Variants in HERC4 observed in about 807,000 individuals in gnomAD.
The protein encoded by HERC4 is probable E3 ubiquitin-protein ligase HERC4.
HERC4 carries 28 observed loss-of-function variants against 124.3 expected under a neutral mutation model. That is an observed-to-expected ratio of 0.23 (90% CI 0.17 to 0.31). HERC4 has a LOEUF of 0.31. Among genes scored for constraint, HERC4 ranks in the 10% least tolerant of loss-of-function variants. The pLI, the probability that HERC4 is intolerant of heterozygous loss-of-function variation, is 1.00. For missense variants in HERC4, 713 were observed against 1,229.3 expected (o/e 0.58, Z 6.28); for synonymous variants, 407 against 421.5 (o/e 0.97, Z 0.42).
At chr10:68,017,684 T>A (rs1041175722) in intron 8 of HERC4, among the ~76,000 whole-genome samples, 2 of 152,128 alleles carry the variant, frequency 1.3e-5, no homozygotes, top group African/African-American at 4.8e-5. Context: ...ATGGGTTTTT[T>A]TGCCATGTTG....
intron 7 of HERC4, among the ~76,000 whole-genome samples, chr10:68,027,392 A>C (rs1449842811): frequency 6.6e-6 from 1 of 152,232 alleles, no homozygotes; most frequent in East Asian, 1.9e-4. Context: ...AAACAAAAAG[A>C]ACTTGAGTAC....
chr10:67,976,086 TGCTGTCCACA>T lies in HERC4; in HGVS notation c.1807-9294_1807-9285del, dbSNP rs550333138. Among the ~76,000 whole-genome samples, 276 of 152,160 alleles carry T rather than the reference TGCTGTCCACA, an allele frequency of 1.8e-3. 2 individuals carry two copies. The highest frequency in any genetic ancestry group is 6.2e-3 in the African/African-American group (258 of 41,514). ...AAGCAGCCACTCCCATCCATTTACATGCTGTCCACAGTGGAGTTGAGAGTTGACTAGTTGC... is the reference window on the plus strand; with the variant it reads ...AAGCAGCCACTCCCATCCATTTACATGTGGAGTTGAGAGTTGACTAGTTGC... On this transcript the variant is annotated intron_variant, in intron 15 of 24. Transcript: ENST00000373700.
At chr10:68,043,659 A>G (rs1046934247) in intron 4 of HERC4, among the ~76,000 whole-genome samples, 1 of 152,092 alleles carries the variant, frequency 6.6e-6, no homozygotes, top group Non-Finnish European at 1.5e-5. Context: ...TACTAAAAAT[A>G]CAAAAAATTA....
intron 3 of HERC4, among the ~76,000 whole-genome samples, chr10:68,051,513 T>C (rs1364708445): frequency 6.7e-6 from 1 of 150,222 alleles, no homozygotes; most frequent in Non-Finnish European, 1.5e-5. Flanking sequence ...CCCAGCTAGT[T>C]TTTTTTTGGT....
chr10:67,983,786 CAA>C (rs61012367), intron 15 of HERC4, among the ~76,000 whole-genome samples: 2 of 100,146 alleles, frequency 2.0e-5, no homozygotes, highest in Non-Finnish European at 3.8e-5. Context: ...GACTCTGTCT[CAA>C]AAAAAAAAAA....
chr10:67,986,546 G>A (rs570120305), intron 15 of HERC4, among the ~76,000 whole-genome samples: 6 of 151,958 alleles, frequency 3.9e-5, no homozygotes, highest in African/African-American at 9.6e-5. Context: ...TAGTGGAGAC[G>A]GGGTTTCACC....
At chr10:67,925,632 A>G (rs538405161) in intron 23 of HERC4, among the ~76,000 whole-genome samples, 2 of 152,208 alleles carry the variant, frequency 1.3e-5, no homozygotes, top group South Asian at 4.2e-4. Context: ...GCCACCAGTG[A>G]GCACTGCCTC....
chr10:68,068,914 T>C (rs1378902866), intron 3 of HERC4: 5 of 327,760 alleles, frequency 1.5e-5, no homozygotes, highest in Non-Finnish European at 2.2e-5. Flanking sequence ...CTGCCTTAGC[T>C]ACATACAACT....
chr10:67,956,596 G>A (rs2034155125), intron 17 of HERC4: 1 of 206,534 alleles, frequency 4.8e-6, no homozygotes. Flanking sequence ...AAGTAAACTA[G>A]TAAAACGGTT....
intron 15 of HERC4, among the ~76,000 whole-genome samples, chr10:67,967,207 A>G (rs1272048872): frequency 6.6e-6 from 1 of 152,202 alleles, no homozygotes; most frequent in Admixed American, 6.5e-5. Flanking sequence ...GGATTTTCTT[A>G]GCTATTTTTT....
At chr10:67,930,258 C>T (rs560331112) in intron 23 of HERC4, among the ~76,000 whole-genome samples, 1 of 152,044 alleles carries the variant, frequency 6.6e-6, no homozygotes, top group Non-Finnish European at 1.5e-5. Context: ...AAAATTAAGG[C>T]AAAACACACA....
rs565902032 is a variant in HERC4 at position 67,994,916 on chromosome 10, C to G, written c.1070-2234G>C. The G allele has an allele frequency of 1.1e-4, 19 of 175,526 alleles. No homozygotes were observed. In the South Asian group the frequency reaches 2.3e-3, roughly 21 times the overall value. 10.9% of individuals were successfully genotyped at this position (175,526 alleles called of 1,614,324 possible). A position where few individuals can be genotyped will look rare whatever the true frequency, so the allele number is the denominator to read the frequency against. Reference sequence around the variant, plus strand: ...TTTTGGTCAGGCTGGTCTCGAACTCCTGACCTCAAGTGATCTGCCCACCTC... The same window carrying G: ...TTTTGGTCAGGCTGGTCTCGAACTCGTGACCTCAAGTGATCTGCCCACCTC... On this transcript the variant is annotated intron_variant, in intron 9 of 24. Coordinates refer to ENST00000373700, the MANE Select transcript of HERC4 (RefSeq NM_015601.4).
chr10:68,051,376 G>A (rs1295855198), intron 3 of HERC4, among the ~76,000 whole-genome samples: 11 of 132,262 alleles, frequency 8.3e-5, no homozygotes, highest in African/African-American at 2.6e-4. Context: ...ACAGAGTCTC[G>A]CTCTGTCGCC....
At chr10:67,956,196 T>C (rs2034133422) in intron 17 of HERC4, 1 of 152,204 alleles carries the variant, frequency 6.6e-6, no homozygotes, top group Non-Finnish European at 1.5e-5. Flanking sequence ...AGTCAGATAT[T>C]CTATACCAGA....
In HERC4 at chr10:67,988,838, G is replaced by A. The variant is rs1321472190; in HGVS notation, c.1634-3C>T. ...TTCAAGTACTGACCACCAGTTTTCTGTTATTAAAAAGTGAACATGCAAATA... is the reference window on the plus strand; with the variant it reads ...TTCAAGTACTGACCACCAGTTTTCTATTATTAAAAAGTGAACATGCAAATA... On this transcript the variant is annotated splice_region_variant and splice_polypyrimidine_tract_variant and intron_variant, in intron 14 of 24. Coordinates refer to ENST00000373700, the MANE Select transcript of HERC4 (RefSeq NM_015601.4). 1 of 1,575,414 alleles carries A rather than the reference G, an allele frequency of 6.3e-7. No individual in the cohort carries two copies. Among genetic ancestry groups the A allele is most frequent in the Non-Finnish European group, 8.6e-7 (1 of 1,165,842 alleles).
At chr10:67,963,184 ATTAAC>A (rs1251171163) in intron 16 of HERC4, among the ~76,000 whole-genome samples, 4 of 152,144 alleles carry the variant, frequency 2.6e-5, no homozygotes, top group East Asian at 1.9e-4. Context: ...TCCATAATAA[ATTAAC>A]TTAATTTGCC....
rs1206289129 is a variant in HERC4 at position 67,966,816 on chromosome 10, T to A, written c.1807-14A>T. ...TTTCTCATTTACCTACAAAAGAAAA[T>A]GTAATTGACATTAAATTTAACCAGT... On this transcript the variant is annotated splice_polypyrimidine_tract_variant and intron_variant, in intron 15 of 24. Transcript: ENST00000373700. The A allele has an allele frequency of 1.3e-6, 2 of 1,534,478 alleles. No individual in the cohort carries two copies. The highest frequency in any genetic ancestry group is 1.8e-6 in the Non-Finnish European group (2 of 1,139,544).
chr10:68,003,972 G>C (rs1191793604), intron 9 of HERC4, among the ~76,000 whole-genome samples: 2 of 152,076 alleles, frequency 1.3e-5, no homozygotes, highest in Non-Finnish European at 2.9e-5. Flanking sequence ...CCCACCAACT[G>C]TATACAAGCG....
Position 67,936,177 on chromosome 10 carries a change from T to C in HERC4, c.2630A>G (p.Asp877Gly), listed in dbSNP as rs1238702053. 1 of 1,603,374 alleles carries C rather than the reference T, an allele frequency of 6.2e-7. No homozygotes were observed. Among genetic ancestry groups the C allele is most frequent in the Non-Finnish European group, 8.5e-7 (1 of 1,176,140 alleles). Residue 877 changes from aspartate to glycine, a missense_variant, in exon 22 of 25, where the codon GAC (aspartate) becomes GGC (glycine). Coordinates refer to ENST00000373700, the MANE Select transcript of HERC4 (RefSeq NM_015601.4). ...EVKELVLNGA[D>G]TAVNKQNRQE... The stretch of plus-strand genomic sequence containing the variant: ...CCGATTTTGTTTGTTAACAGCTGTG[T>C]CTGCACCATTTAGAACCAGCTCTTT...
Sources: gnomAD v4.1 joint callset for allele counts (sites outside exome capture counted in the v4.1 genomes callset) on GRCh38, gnomAD v4.1.1 for gene constraint, MANE v1.5 for transcripts, NCBI Gene and HGNC (gene_info 2026-07-23, HGNC 2026-07-21) for gene names.